TAB2: variants seen among roughly 807,000 people sequenced by gnomAD.
TAB2 encodes TGF-beta activated kinase 1 (MAP3K7) binding protein 2.
In TAB2, 3 loss-of-function variants were observed where a neutral mutation model predicts 65.0. The observed-to-expected ratio is 0.05, with a 90% confidence interval of 0.02 to 0.12. The LOEUF (loss-of-function observed/expected upper bound fraction) is 0.12, where lower values mean the gene tolerates loss of function less well. TAB2 is among the 10% of genes least tolerant of loss of function. TAB2 has a pLI of 1.00. For synonymous variants in TAB2, 298 were observed against 285.1 expected (o/e 1.05, Z -0.46); for missense variants, 623 against 840.3 (o/e 0.74, Z 3.20).
chr6:149,262,999 T>C (rs7739814), intron 1 of TAB2, among the ~76,000 whole-genome samples: 45,614 of 151,692 alleles, frequency 0.3, 8,152 homozygotes, highest in African/African-American at 0.5. Flanking sequence ...GAGGTGGGTT[T>C]TCACTCTGTT....
chr6:149,368,138 T>G (rs1781099782), intron 1 of TAB2, among the ~76,000 whole-genome samples: 1 of 152,038 alleles, frequency 6.6e-6, no homozygotes, highest in Non-Finnish European at 1.5e-5. Flanking sequence ...AGGAAAAGGA[T>G]CCAGCAAAGT....
At chr6:149,347,137 G>A (rs1419199294) in intron 1 of TAB2, 3 of 152,188 alleles carry the variant, frequency 2.0e-5, no homozygotes, top group Admixed American at 6.5e-5. Flanking sequence ...TAACCATTCC[G>A]TCTTAGATTT....
At chr6:149,322,545 C>CT (rs1481964003) in intron 1 of TAB2, among the ~76,000 whole-genome samples, 1 of 152,118 alleles carries the variant, frequency 6.6e-6, no homozygotes, top group African/African-American at 2.4e-5. Context: ...GGTTTTGCCA[C>CT]TTAGTAGCTT....
intron 1 of TAB2, among the ~76,000 whole-genome samples, chr6:149,258,416 T>TACACACACAC (rs56710457): frequency 2.6e-4 from 38 of 146,200 alleles, no homozygotes; most frequent in Admixed American, 6.8e-4. Context: ...CATGACTGCC[T>TACACACACAC]ACACACACAC....
chr6:149,222,650 ATC>A (rs1327313243), intron 1 of TAB2, among the ~76,000 whole-genome samples: 30 of 151,100 alleles, frequency 2.0e-4, no homozygotes, highest in African/African-American at 7.0e-4. Context: ...TTTTTTTCAT[ATC>A]TCTATATGTG....
chr6:149,329,529 T>C (rs909636655), intron 1 of TAB2, among the ~76,000 whole-genome samples: 2 of 152,034 alleles, frequency 1.3e-5, no homozygotes, highest in African/African-American at 4.8e-5. Flanking sequence ...ATGGAGGAGA[T>C]AGAGAATGCT....
intron 1 of TAB2, among the ~76,000 whole-genome samples, chr6:149,353,245 G>A (rs370819023): frequency 3.3e-5 from 5 of 152,134 alleles, no homozygotes; most frequent in Admixed American, 2.0e-4. Context: ...TGCTGCTGCT[G>A]CTGGATTGCT....
chr6:149,322,990 G>A (rs1779502145), intron 1 of TAB2, among the ~76,000 whole-genome samples: 1 of 152,250 alleles, frequency 6.6e-6, no homozygotes, highest in East Asian at 1.9e-4. Context: ...AGCACCTCAA[G>A]TGCAGAACAT....
intron 1 of TAB2, among the ~76,000 whole-genome samples, chr6:149,323,576 C>CCA (rs966109750): frequency 5.9e-5 from 9 of 151,912 alleles, no homozygotes; most frequent in African/African-American, 2.2e-4. Context: ...CACCAGCATC[C>CCA]CACCTCCCAT....
intron 1 of TAB2, among the ~76,000 whole-genome samples, chr6:149,346,121 G>A (rs1780288422): frequency 6.6e-6 from 1 of 152,162 alleles, no homozygotes; most frequent in Admixed American, 6.5e-5. Context: ...AAGAGAGGGA[G>A]GAAGGGGTGG....
intron 1 of TAB2, among the ~76,000 whole-genome samples, chr6:149,259,951 A>G (rs565525342): frequency 9.2e-5 from 14 of 152,310 alleles, no homozygotes; most frequent in African/African-American, 3.4e-4. Flanking sequence ...GATGCTGACC[A>G]TTTAAAAAAA....
At chr6:149,408,143 G>C (rs191487591) in intron 6 of TAB2, among the ~76,000 whole-genome samples, 1 of 130,092 alleles carries the variant, frequency 7.7e-6, no homozygotes, top group African/African-American at 3.0e-5. Context: ...ATGATTTTAC[G>C]TGGTAAAAAG....
At chr6:149,323,438 T>C (rs1423059955) in intron 1 of TAB2, among the ~76,000 whole-genome samples, 1 of 152,194 alleles carries the variant, frequency 6.6e-6, no homozygotes, top group Non-Finnish European at 1.5e-5. Flanking sequence ...GTTTACCTTA[T>C]CTTTTTAAGA....
chr6:149,395,650 A>C (rs756209126), intron 3 of TAB2, among the ~76,000 whole-genome samples: 1 of 149,780 alleles, frequency 6.7e-6, no homozygotes, highest in South Asian at 2.1e-4. Context: ...GTTTTAGACA[A>C]TGTCTGCTGC....
chr6:149,374,802 G>A (rs903972336), intron 2 of TAB2, among the ~76,000 whole-genome samples: 2 of 152,102 alleles, frequency 1.3e-5, no homozygotes, highest in Non-Finnish European at 2.9e-5. Context: ...GAAATGCAGG[G>A]GAAATTGATT....
In TAB2 at chr6:149,293,504, C is replaced by T. The variant is rs998862233; in HGVS notation, c.-121+74728C>T. On this transcript the variant is annotated intron_variant, in intron 1 of 1. Transcript: ENST00000606202. ...AGAACTGGTCTGAGATGCAGCTGTC[C>T]TGGCTTGTTGTTTGAATCTTTGCAC... Among the ~76,000 whole-genome samples, 3 of 152,138 alleles carry T rather than the reference C, an allele frequency of 2.0e-5. No homozygotes were observed. The East Asian group carries it at 5.8e-4, about 29-fold the overall frequency.
intron 1 of TAB2, among the ~76,000 whole-genome samples, chr6:149,251,739 G>A (rs1037888578): frequency 3.9e-5 from 6 of 152,120 alleles, no homozygotes; most frequent in Admixed American, 2.0e-4. Flanking sequence ...TTAAGCACTC[G>A]TGGCATAACT....
At chr6:149,339,790 G>C (rs1780058997) in intron 1 of TAB2, among the ~76,000 whole-genome samples, 1 of 151,544 alleles carries the variant, frequency 6.6e-6, no homozygotes, top group Non-Finnish European at 1.5e-5. Flanking sequence ...GTAGAGACGG[G>C]GTTTTACCAT....
At chr6:149,294,509 T>C (rs1335234126) in intron 1 of TAB2, among the ~76,000 whole-genome samples, 2 of 152,236 alleles carry the variant, frequency 1.3e-5, no homozygotes, top group Non-Finnish European at 2.9e-5. Context: ...GGAACACAAT[T>C]TAGCCTATAA....
Sources: gnomAD v4.1 joint callset for allele counts (sites outside exome capture counted in the v4.1 genomes callset) on GRCh38, gnomAD v4.1.1 for gene constraint, MANE v1.5 for transcripts, NCBI Gene and HGNC (gene_info 2026-07-23, HGNC 2026-07-21) for gene names.